Variants in GLIS3 observed in about 807,000 individuals in gnomAD.
The protein encoded by GLIS3 is zinc finger protein GLIS3.
Under a neutral mutation model 78.6 loss-of-function variants are expected in GLIS3, and 53 were observed. The ratio of observed to expected loss-of-function variants is 0.67; its 90% CI spans 0.54 to 0.85. The LOEUF (loss-of-function observed/expected upper bound fraction) is 0.85. Ranked by LOEUF, GLIS3 falls within the 40% of genes least tolerant of loss-of-function variation. The probability of loss-of-function intolerance (pLI) is 0.00; values close to 1 mark genes in which losing one functional copy is unlikely to be tolerated. For synonymous variants in GLIS3, 684 were observed against 509.9 expected (o/e 1.34, Z -4.60); for missense variants, 1,703 against 1,231.1 (o/e 1.38, Z -5.74).
At chr9:4,242,776 A>G (rs1161648336) in intron 2 of GLIS3, among the ~76,000 whole-genome samples, 3 of 152,216 alleles carry the variant, frequency 2.0e-5, no homozygotes, top group Non-Finnish European at 4.4e-5. Flanking sequence ...AATGTAAAAT[A>G]CCTCATTAAC....
chr9:3,860,381 T>C (rs753120924), intron 8 of GLIS3, among the ~76,000 whole-genome samples: 3 of 151,484 alleles, frequency 2.0e-5, no homozygotes, highest in Admixed American at 6.6e-5. Context: ...GTCTGATTAT[T>C]TGGGGGTATT....
At chr9:4,487,644 C>T in the GLIS3 span, among the ~76,000 whole-genome samples, 1 of 151,870 alleles carries the variant, frequency 6.6e-6, no homozygotes. Context: ...TAAATACTGC[C>T]CTATCTACAA....
intron 2 of GLIS3, among the ~76,000 whole-genome samples, chr9:4,284,847 G>A (rs1434312936): frequency 1.3e-5 from 2 of 152,116 alleles, no homozygotes; most frequent in African/African-American, 4.8e-5. Context: ...GAACCCAGGA[G>A]GATGAGGCTG....
At chr9:4,126,047 C>T in intron 2 of GLIS3, 106 bp from the exon 3 acceptor site, 8 of 860,156 alleles carry the variant, frequency 9.3e-6, no homozygotes, top group Non-Finnish European at 1.5e-5. Context: ...AGACAGTCCT[C>T]AGATCATTTT....
At chr9:4,485,918 T>C in the GLIS3 span, among the ~76,000 whole-genome samples, 87 of 152,234 alleles carry the variant, frequency 5.7e-4, no homozygotes, top group East Asian at 0.011. Context: ...AGATGGCGTT[T>C]CACTATGTTG....
At chr9:4,303,664 CCAAAATTT>C (rs1344535511), upstream of GLIS3, among the ~76,000 whole-genome samples, 1 of 152,092 alleles carries the variant, frequency 6.6e-6, no homozygotes, top group Admixed American at 6.5e-5. Context: ...ATGCAACTGA[CCAAAATTT>C]CAAATATTTC....
At chr9:4,271,337 T>C (rs1826489237) in intron 2 of GLIS3, among the ~76,000 whole-genome samples, 1 of 152,156 alleles carries the variant, frequency 6.6e-6, no homozygotes, top group African/African-American at 2.4e-5. Context: ...AGTTATGTTT[T>C]GGGGGAATCA....
At chr9:3,874,407 CA>C (rs1821166750) in intron 8 of GLIS3, among the ~76,000 whole-genome samples, 1 of 152,172 alleles carries the variant, frequency 6.6e-6, no homozygotes, top group Non-Finnish European at 1.5e-5. Context: ...TACATCTTTT[CA>C]TTGGTATCCT....
chr9:4,463,868 G>C, the GLIS3 span, among the ~76,000 whole-genome samples: 1 of 152,278 alleles, frequency 6.6e-6, no homozygotes, highest in South Asian at 2.1e-4. Flanking sequence ...TTGATAGAAA[G>C]CAGTCATTTG....
chr9:4,135,015 C>G (rs977482576), intron 2 of GLIS3, among the ~76,000 whole-genome samples: 1 of 151,972 alleles, frequency 6.6e-6, no homozygotes, highest in African/African-American at 2.4e-5. Flanking sequence ...CCAACACATC[C>G]TCTATCAGAA....
intron 2 of GLIS3, among the ~76,000 whole-genome samples, chr9:4,325,993 C>G (rs761431261): frequency 1.3e-5 from 2 of 152,058 alleles, no homozygotes; most frequent in Non-Finnish European, 2.9e-5. Context: ...TAAGTGGGAG[C>G]TGAATGATGA....
the GLIS3 span, among the ~76,000 whole-genome samples, chr9:4,437,193 G>A: frequency 6.6e-6 from 1 of 152,178 alleles, no homozygotes; most frequent in East Asian, 1.9e-4. Flanking sequence ...TTTTGGAGAA[G>A]TGGCAATGAA....
chr9:4,238,558 C>T (rs941376735), intron 2 of GLIS3, among the ~76,000 whole-genome samples: 5 of 152,136 alleles, frequency 3.3e-5, no homozygotes, highest in Admixed American at 2.0e-4. Flanking sequence ...TCAGAAGGCC[C>T]GTGTGAAGCA....
the GLIS3 span, among the ~76,000 whole-genome samples, chr9:4,461,289 C>T: frequency 6.6e-6 from 1 of 152,144 alleles, no homozygotes; most frequent in South Asian, 2.1e-4. Context: ...TGGATCAATG[C>T]CCATGATGGT....
At chr9:4,213,025 G>C (rs1319260593) in intron 2 of GLIS3, among the ~76,000 whole-genome samples, 2 of 152,166 alleles carry the variant, frequency 1.3e-5, no homozygotes, top group Non-Finnish European at 2.9e-5. Context: ...CTGGGCTGGA[G>C]AAGAGGCAGA....
Position 4,159,030 on chromosome 9 carries a change from G to GAAAAAAAAAAAAAAAAAAAAAAAA in GLIS3, c.389-33090_389-33089insTTTTTTTTTTTTTTTTTTTTTTTT, listed in dbSNP as rs141412126. The stretch of plus-strand genomic sequence containing the variant: ...GCTTGGTATGCTAGAGAAAGGAGAA[G>GAAAAAAAAAAAAAAAAAAAAAAAA]AAGAAAAAAAAAAAAAAAAGCCAGG... On this transcript the variant is annotated intron_variant, in intron 2 of 10. Coordinates refer to ENST00000381971, the MANE Select transcript of GLIS3 (RefSeq NM_001042413.2). 2.5e-5 allele frequency among the ~76,000 whole-genome samples: 2 copies of GAAAAAAAAAAAAAAAAAAAAAAAA among 79,094 alleles called. 1 individual carries two copies. 51.9% of individuals were successfully genotyped at this position (79,094 alleles called of 152,430 possible).
chr9:3,832,523 C>G (rs1818108271), intron 9 of GLIS3, among the ~76,000 whole-genome samples: 1 of 152,116 alleles, frequency 6.6e-6, no homozygotes, highest in African/African-American at 2.4e-5. Flanking sequence ...TTCATTTACC[C>G]TATTGGGGGC....
chr9:3,914,744 C>G (rs920166733), intron 6 of GLIS3, among the ~76,000 whole-genome samples: 2 of 152,114 alleles, frequency 1.3e-5, no homozygotes, highest in Non-Finnish European at 2.9e-5. Flanking sequence ...ATTATACATT[C>G]CAGCCCCCTG....
chr9:3,840,255 A>C (rs1818631380), intron 9 of GLIS3, among the ~76,000 whole-genome samples: 1 of 152,200 alleles, frequency 6.6e-6, no homozygotes, highest in Admixed American at 6.5e-5. Flanking sequence ...AATTTTTATT[A>C]CACAACCTAC....
Sources: allele counts gnomAD v4.1 joint callset (sites outside exome capture counted in the v4.1 genomes callset), GRCh38; gene constraint gnomAD v4.1.1; transcripts MANE v1.5; gene names NCBI Gene and HGNC (gene_info 2026-07-23, HGNC 2026-07-21).